Variants in USP49 observed in about 807,000 individuals in gnomAD.
USP49 encodes ubiquitin specific peptidase 49.
In USP49, 24 loss-of-function variants were observed where a neutral mutation model predicts 58.6. That is an observed-to-expected ratio of 0.41 (90% CI 0.30 to 0.58). USP49 has a LOEUF of 0.58. Ranked by LOEUF, USP49 falls within the 20% of genes least tolerant of loss-of-function variation. The pLI, the probability that USP49 is intolerant of heterozygous loss-of-function variation, is 0.30. For synonymous variants in USP49, 408 were observed against 365.1 expected, an observed-to-expected ratio of 1.12 and a Z score of -1.34; for missense variants, 703 against 866.1, an observed-to-expected ratio of 0.81 and a Z score of 2.36.
intron 3 of USP49, among the ~76,000 whole-genome samples, chr6:41,823,221 G>A (rs916800854): frequency 7.9e-5 from 12 of 152,304 alleles, no homozygotes; most frequent in Middle Eastern, 3.4e-3. Flanking sequence ...GATGGAGATG[G>A]AAAGGAGACT....
chr6:41,872,887 CAGAG>C (rs1407949641), intron 2 of USP49: 4 of 146,326 alleles, frequency 2.7e-5, no homozygotes, highest in Non-Finnish European at 4.5e-5. Context: ...GCCTGGGCGA[CAGAG>C]AGAGACTCCA....
chr6:41,834,066 A>C (rs1397233352), intron 3 of USP49, among the ~76,000 whole-genome samples: 1 of 152,230 alleles, frequency 6.6e-6, no homozygotes, highest in Non-Finnish European at 1.5e-5. Flanking sequence ...CACGCCCATC[A>C]CTAGGAAGAA....
At chr6:41,855,627 C>G (rs1425996348) in intron 3 of USP49, among the ~76,000 whole-genome samples, 1 of 152,220 alleles carries the variant, frequency 6.6e-6, no homozygotes, top group Non-Finnish European at 1.5e-5. Context: ...TAAAACCTAA[C>G]TGCTTACTGC....
intron 2 of USP49, among the ~76,000 whole-genome samples, chr6:41,880,923 TTTTA>T (rs1346833239): frequency 2.0e-5 from 3 of 151,938 alleles, no homozygotes; most frequent in African/African-American, 7.3e-5. Flanking sequence ...TTTTTATTTA[TTTTA>T]TTTATTTTTT....
chr6:41,806,855 G>A lies in USP49; in HGVS notation c.129C>T (p.His43=), dbSNP rs147570826. 4.6e-5 allele frequency: 74 copies of A among 1,614,112 alleles called. No homozygotes were observed. The African/African-American group carries it at 9.1e-4, about 20-fold the overall frequency. Reference sequence around the variant, plus strand: ...CCTCAATATAGCGGCCGCAGGCCACGTGGGAGCACTTGAGGCAGGCCCACA... The same window carrying A: ...CCTCAATATAGCGGCCGCAGGCCACATGGGAGCACTTGAGGCAGGCCCACA... ...ESVWACLKCS[H]VACGRYIEDH... Residue 43 remains histidine (H), a synonymous_variant, in exon 4 of 8, where the codon CAC becomes CAT. Coordinates refer to ENST00000682992, the MANE Select transcript of USP49 (RefSeq NM_001286554.2). The surrounding 1 kb of genome is among the most constrained non-coding windows in gnomAD (Gnocchi z 5.9).
intron 3 of USP49, among the ~76,000 whole-genome samples, chr6:41,813,255 T>G (rs1020498436): frequency 1.3e-5 from 2 of 152,168 alleles, no homozygotes; most frequent in Non-Finnish European, 2.9e-5. Flanking sequence ...CTGAATAGCC[T>G]CCTCTTACAA....
At chr6:41,807,786 T>A (rs1773168663) in intron 3 of USP49, among the ~76,000 whole-genome samples, 1 of 151,604 alleles carries the variant, frequency 6.6e-6, no homozygotes, top group Non-Finnish European at 1.5e-5. Flanking sequence ...ATGTATTTTT[T>A]TTTTTGAGGT....
At chr6:41,889,036 T>TC (rs1774766547) in intron 2 of USP49, among the ~76,000 whole-genome samples, 1 of 152,010 alleles carries the variant, frequency 6.6e-6, no homozygotes, top group South Asian at 2.1e-4. Flanking sequence ...ATCAATTTTT[T>TC]TTTTTTTTAT....
chr6:41,815,897 A>C (rs1402271976), intron 3 of USP49, among the ~76,000 whole-genome samples: 1 of 152,248 alleles, frequency 6.6e-6, no homozygotes, highest in African/African-American at 2.4e-5. Context: ...CCAGCATGAT[A>C]ATAGCTCACT....
rs575299869 is a variant in USP49, at chr6:41,847,487, A to G, written c.-29+24077T>C. 4.6e-5 allele frequency among the ~76,000 whole-genome samples: 7 copies of G among 152,238 alleles called. No individual in the cohort carries two copies. The South Asian group carries it at 6.2e-4, about 14-fold the overall frequency. On this transcript the variant is annotated intron_variant, in intron 3 of 7. Coordinates refer to ENST00000682992, the MANE Select transcript of USP49 (RefSeq NM_001286554.2). Reference sequence around the variant, plus strand: ...ATCTAGCACTTTAGGAGGCCGAGGCAGGTGGATCACGAGGTCAAGAGGTTG... The same window carrying G: ...ATCTAGCACTTTAGGAGGCCGAGGCGGGTGGATCACGAGGTCAAGAGGTTG...
At chr6:41,798,630 T>C in intron 7 of USP49, 94 bp downstream of exon 7, 1 of 1,605,952 alleles carries the variant, frequency 6.2e-7, no homozygotes, top group South Asian at 1.1e-5. Flanking sequence ...TCCCTCTAGG[T>C]AATCCATGGG....
chr6:41,854,287 G>A (rs535609410), intron 3 of USP49, among the ~76,000 whole-genome samples: 59 of 148,084 alleles, frequency 4.0e-4, no homozygotes, highest in Middle Eastern at 3.6e-3. Context: ...ACTGTACTCC[G>A]GGCTGTGCGA....
intron 3 of USP49, among the ~76,000 whole-genome samples, chr6:41,817,974 T>C (rs1174106706): frequency 6.6e-6 from 1 of 152,222 alleles, no homozygotes; most frequent in Non-Finnish European, 1.5e-5. Flanking sequence ...ATCTGCTTTA[T>C]GGTATACTAC....
intron 3 of USP49, among the ~76,000 whole-genome samples, chr6:41,841,797 C>G (rs950649659): frequency 3.9e-5 from 6 of 152,234 alleles, no homozygotes; most frequent in Non-Finnish European, 7.3e-5. Context: ...TGGCTCACTC[C>G]TGTAATCCCA....
chr6:41,885,204 T>A (rs1774687749), intron 2 of USP49, among the ~76,000 whole-genome samples: 1 of 152,220 alleles, frequency 6.6e-6, no homozygotes, highest in Non-Finnish European at 1.5e-5. Flanking sequence ...ACGTAGGTGT[T>A]GTAGTTAATA....
chr6:41,822,417 T>G (rs1027021038), intron 3 of USP49, among the ~76,000 whole-genome samples: 6 of 152,222 alleles, frequency 3.9e-5, no homozygotes, highest in East Asian at 1.9e-4. Context: ...TTTTGGTGGT[T>G]GTTCTAAGAA....
At chr6:41,881,931 C>T (rs915918391) in intron 2 of USP49, among the ~76,000 whole-genome samples, 1 of 151,822 alleles carries the variant, frequency 6.6e-6, no homozygotes, top group Non-Finnish European at 1.5e-5. Flanking sequence ...GCCAAAGCTT[C>T]GTAAATTAAT....
Position 41,803,495 on chromosome 6 carries a change from G to A in USP49, c.1561+311C>T, listed in dbSNP as rs1290194060. Among the ~76,000 whole-genome samples the A allele has an allele frequency of 6.6e-6, 1 of 152,148 alleles. No homozygotes were observed. The highest frequency in any genetic ancestry group is 2.4e-5 in the African/African-American group (1 of 41,432). ...ATTTTTGTATTTTTAGTAGAGACAG[G>A]GTTTCACCATGTTGGTCAGGCTGGT... On this transcript the variant is annotated intron_variant, in intron 5 of 7. Coordinates refer to ENST00000682992, the MANE Select transcript of USP49 (RefSeq NM_001286554.2). This position sits in a 1 kb window ranked among gnomAD's most constrained non-coding sequence, Gnocchi z 4.1.
intron 2 of USP49, among the ~76,000 whole-genome samples, chr6:41,875,496 G>A (rs893664664): frequency 2.0e-5 from 3 of 152,142 alleles, no homozygotes; most frequent in Non-Finnish European, 1.5e-5. Context: ...AAAGTACCTT[G>A]TCCTTAGTAG....
Sources: allele counts gnomAD v4.1 joint callset (sites outside exome capture counted in the v4.1 genomes callset), GRCh38; gene constraint gnomAD v4.1.1; non-coding constraint Gnocchi (gnomAD v3.1); transcripts MANE v1.5; gene names NCBI Gene and HGNC (gene_info 2026-07-23, HGNC 2026-07-21).